Variants in CDH18 observed in about 807,000 individuals in gnomAD.
CDH18 encodes cadherin-18.
A neutral mutation model predicts 67.9 loss-of-function variants in CDH18; 31 were observed. The observed-to-expected ratio is 0.46, with a 90% CI of 0.34 to 0.62. The LOEUF is 0.62. Ranked by LOEUF, CDH18 falls within the 20% of genes least tolerant of loss-of-function variation. The pLI, the probability that CDH18 is intolerant of heterozygous loss-of-function variation, is 0.01. For synonymous variants in CDH18, 362 were observed against 347.2 expected (o/e 1.04, Z -0.48); for missense variants, 890 against 975.5 (o/e 0.91, Z 1.17).
intron 2 of CDH18, among the ~76,000 whole-genome samples, chr5:19,920,679 A>C (rs2150165714): frequency 6.6e-6 from 1 of 151,712 alleles, no homozygotes; most frequent in Middle Eastern, 3.4e-3. Context: ...ATGCCCAGCT[A>C]ATTTTTGTAT....
At chr5:20,106,738 T>A (rs1009276865) in intron 2 of CDH18, among the ~76,000 whole-genome samples, 1 of 152,208 alleles carries the variant, frequency 6.6e-6, no homozygotes. Flanking sequence ...CTCTGTTTTG[T>A]TGAAATTCAA....
chr5:20,412,052 T>G (rs932134617), intron 1 of CDH18, among the ~76,000 whole-genome samples: 1 of 152,036 alleles, frequency 6.6e-6, no homozygotes, highest in African/African-American at 2.4e-5. Flanking sequence ...TAATATGGTA[T>G]CAAAAAACAG....
At chr5:20,353,973 T>C (rs1339381379) in intron 1 of CDH18, among the ~76,000 whole-genome samples, 5 of 152,210 alleles carry the variant, frequency 3.3e-5, no homozygotes, top group African/African-American at 4.8e-5. Flanking sequence ...CAAATCATTC[T>C]TTTTAAGGAG....
chr5:19,639,623 A>T (rs149427114), intron 5 of CDH18, among the ~76,000 whole-genome samples: 14 of 152,320 alleles, frequency 9.2e-5, no homozygotes, highest in African/African-American at 3.4e-4. Flanking sequence ...AACTGCACCT[A>T]AAATACTGGT....
chr5:20,475,983 A>T (rs2150247149), intron 1 of CDH18, among the ~76,000 whole-genome samples: 1 of 152,322 alleles, frequency 6.6e-6, no homozygotes, highest in South Asian at 2.1e-4. Flanking sequence ...ACTAGACCAA[A>T]TGTTTCTCAG....
intron 1 of CDH18, among the ~76,000 whole-genome samples, chr5:20,351,735 TTA>T (rs1741202186): frequency 6.6e-6 from 1 of 152,152 alleles, no homozygotes; most frequent in South Asian, 2.1e-4. Flanking sequence ...GGCAATCTAT[TTA>T]TGCTGCCACC....
chr5:20,254,702 G>A (rs1256443061), intron 2 of CDH18, among the ~76,000 whole-genome samples: 1 of 152,308 alleles, frequency 6.6e-6, no homozygotes, highest in South Asian at 2.1e-4. Context: ...GTGGCAAGAA[G>A]TTTGGAGAGT....
intron 10 of CDH18, among the ~76,000 whole-genome samples, chr5:19,512,058 T>C (rs427203): frequency 0.22 from 32,690 of 151,924 alleles, 3,822 homozygotes; most frequent in African/African-American, 0.29. Context: ...TGCATCCAAG[T>C]CATAGCTAAA....
At chr5:20,292,737 G>A (rs1220269367) in intron 1 of CDH18, among the ~76,000 whole-genome samples, 1 of 152,028 alleles carries the variant, frequency 6.6e-6, no homozygotes, top group Non-Finnish European at 1.5e-5. Context: ...TTATAGAAGC[G>A]TCACTCTGTT....
At chr5:19,732,792 G>A (rs529929564) in intron 4 of CDH18, among the ~76,000 whole-genome samples, 28 of 151,734 alleles carry the variant, frequency 1.8e-4, no homozygotes, top group Non-Finnish European at 2.9e-4. Flanking sequence ...TGTTATCTTC[G>A]GCACTAGATT....
At chr5:19,639,196 G>A (rs142731868) in intron 5 of CDH18, among the ~76,000 whole-genome samples, 1,841 of 151,834 alleles carry the variant, frequency 0.012, 36 homozygotes, top group African/African-American at 0.042. Flanking sequence ...TAGAGACGGG[G>A]TTTCACCGTG....
At chr5:19,718,493 A>C (rs1447153093) in intron 5 of CDH18, among the ~76,000 whole-genome samples, 1 of 151,940 alleles carries the variant, frequency 6.6e-6, no homozygotes, top group East Asian at 1.9e-4. Context: ...AACTAAATTC[A>C]TTAGTTCTGA....
At chr5:19,887,380 T>G (rs938117788) in intron 2 of CDH18, among the ~76,000 whole-genome samples, 1 of 152,064 alleles carries the variant, frequency 6.6e-6, no homozygotes, top group Non-Finnish European at 1.5e-5. Flanking sequence ...ATATATCTCC[T>G]GTGCTTTATC....
chr5:20,145,517 GTT>G (rs957933852), intron 2 of CDH18, among the ~76,000 whole-genome samples: 7 of 152,138 alleles, frequency 4.6e-5, no homozygotes, highest in African/African-American at 1.2e-4. Context: ...TGAAGTTGGA[GTT>G]TTTGTTTTTT....
At chr5:20,107,143 A>C (rs1395260030) in intron 2 of CDH18, among the ~76,000 whole-genome samples, 2 of 148,432 alleles carry the variant, frequency 1.3e-5, no homozygotes, top group Admixed American at 6.8e-5. Flanking sequence ...TGCAGTGGCG[A>C]GATCTCCTCT....
At chr5:19,790,272 G>A (rs959024450) in intron 3 of CDH18, among the ~76,000 whole-genome samples, 1 of 152,050 alleles carries the variant, frequency 6.6e-6, no homozygotes, top group Non-Finnish European at 1.5e-5. Context: ...AAACAATGGA[G>A]ACAAGGATGC....
At chr5:20,546,537 G>A (rs1757354253) in intron 1 of CDH18, among the ~76,000 whole-genome samples, 1 of 152,086 alleles carries the variant, frequency 6.6e-6, no homozygotes. Flanking sequence ...ATCTTATGTG[G>A]CAGCAAGAGA....
At chr5:20,003,876 G>T (rs1041841658) in intron 2 of CDH18, among the ~76,000 whole-genome samples, 1 of 152,170 alleles carries the variant, frequency 6.6e-6, no homozygotes, top group Non-Finnish European at 1.5e-5. Context: ...CAGCCTGGTC[G>T]ACAGAGCGAG....
intron 5 of CDH18, among the ~76,000 whole-genome samples, chr5:19,632,217 A>C (rs907405377): frequency 6.6e-6 from 1 of 152,188 alleles, no homozygotes; most frequent in Admixed American, 6.5e-5. Context: ...CAAAGCAGAC[A>C]TATAAGTCTG....
Sources: allele counts gnomAD v4.1 joint callset (sites outside exome capture counted in the v4.1 genomes callset), GRCh38; gene constraint gnomAD v4.1.1; transcripts MANE v1.5; gene names NCBI Gene and HGNC (gene_info 2026-07-23, HGNC 2026-07-21).